PLA2G4F: variants seen among roughly 807,000 people sequenced by gnomAD.
The protein encoded by PLA2G4F is phospholipase A2 group IVF.
In PLA2G4F, 105 loss-of-function variants were observed where a neutral mutation model predicts 103.1. That is an observed-to-expected ratio of 1.02 (90% CI 0.87 to 1.20). PLA2G4F has a LOEUF of 1.20. Ranked by LOEUF, PLA2G4F falls within the 50% of genes most tolerant of loss-of-function variation. The pLI, the probability that PLA2G4F is intolerant of heterozygous loss-of-function variation, is 0.00. For synonymous variants in PLA2G4F, 468 were observed against 441.1 expected (o/e 1.06, Z -0.76); for missense variants, 1,155 against 1,075.9 (o/e 1.07, Z -1.03).
chr15:42,154,278 T>C, intron 3 of PLA2G4F, 44 bp downstream of exon 3: 2 of 1,610,968 alleles, frequency 1.2e-6, no homozygotes, highest in Non-Finnish European at 1.7e-6. Context: ...GGTAGCTGCC[T>C]GAGGAGTTCC....
rs2048849882 is a variant in PLA2G4F, at chr15:42,143,861, A to T, written c.2142+117T>A. The stretch of plus-strand genomic sequence containing the variant: ...GGAACCCAGGCCGTCCACAAAGGGC[A>T]ATCCCCACACACCCAGCCAGTCCCC... On this transcript the variant is annotated intron_variant, in intron 18 of 19. Transcript: ENST00000397272. The T allele has an allele frequency of 3.0e-6, 4 of 1,336,676 alleles. No homozygotes were observed. The South Asian group carries it at 4.3e-5, about 14-fold the overall frequency. The allele number at this position is 1,336,676 out of a possible 1,614,324, so 82.8% of individuals were successfully genotyped here.
At position 42,142,035 on chromosome 15, in the gene PLA2G4F, G is replaced by T. The variant is rs771744557; in HGVS notation, c.2499C>A (p.Ala833=). Residue 833 remains alanine, a synonymous_variant, in exon 20 of 20, where the codon GCC becomes GCA. Transcript: ENST00000397272. ...GGTGCCGGTCCAGAGCCAGCTGGAG[G>T]GCGCACTTCAAGGTCTCCACGTTGT... ...VLNNVETLKC[A]LQLALDRHQA... is the part of the protein sequence containing the mutation. 1 of 1,614,164 alleles carries T rather than the reference G, an allele frequency of 6.2e-7. No individual in the cohort carries two copies. Among genetic ancestry groups the T allele is most frequent in the Non-Finnish European group, 8.5e-7 (1 of 1,180,036 alleles).
intron 2 of PLA2G4F, among the ~76,000 whole-genome samples, chr15:42,154,754 T>C (rs1411853127): frequency 6.6e-6 from 1 of 152,152 alleles, no homozygotes; most frequent in Non-Finnish European, 1.5e-5. Flanking sequence ...CCCCTCCCTG[T>C]GTGGGCACTG....
In PLA2G4F at chr15:42,147,236, G is replaced by T; in HGVS notation, c.1307C>A (p.Thr436Lys). Residue 436 changes from threonine (T) to lysine (K), a missense_variant, in exon 13 of 20, where the codon ACG becomes AAG. By Grantham distance (78) the Thr-to-Lys change is moderately conservative. Transcript: ENST00000397272. ...CTGAGTGTAGTACTGTAGCCGCTCC[G>T]TGGACAAAGCTCCCATCTTACTGCT... Reference protein sequence around the residue: ...VCSSKMGALSTERLQYYTQEL... With the variant: ...VCSSKMGALSKERLQYYTQEL... 1 of 1,612,698 alleles carries T rather than the reference G, an allele frequency of 6.2e-7. No homozygotes were observed. Among genetic ancestry groups the T allele is most frequent in the Non-Finnish European group, 8.5e-7 (1 of 1,179,966 alleles).
chr15:42,154,051 C>T, intron 4 of PLA2G4F, 41 bp downstream of exon 4: 4 of 1,612,794 alleles, frequency 2.5e-6, no homozygotes, highest in Non-Finnish European at 3.4e-6. Context: ...CTGGGCCTCC[C>T]CTCCTCCAGC....
rs1383665614 is a variant in PLA2G4F at position 42,150,656 on chromosome 15, C to T, written c.723G>A (p.Leu241=). The change falls in exon 8 of 20, where the codon CTG becomes CTA. Residue 241 remains leucine, a synonymous_variant. Coordinates refer to ENST00000397272, the MANE Select transcript of PLA2G4F (RefSeq NM_213600.4). ...PTFTFHVNPV[L]SSRLHVELME... is the part of the protein sequence containing the mutation. Reference sequence around the variant, plus strand: ...TCAGCTCCACGTGTAGCCTGGAGCTCAGCACTGGGTTCACGTGGAAGGTAA... The same window carrying T: ...TCAGCTCCACGTGTAGCCTGGAGCTTAGCACTGGGTTCACGTGGAAGGTAA... 1.2e-6 allele frequency: 2 copies of T among 1,613,746 alleles called. No homozygotes were observed. Among genetic ancestry groups the T allele is most frequent in the Non-Finnish European group, 1.7e-6 (2 of 1,179,892 alleles).
At chr15:42,155,310 G>A (rs1012952927) in intron 2 of PLA2G4F, among the ~76,000 whole-genome samples, 6 of 151,262 alleles carry the variant, frequency 4.0e-5, no homozygotes, top group Non-Finnish European at 5.9e-5. Flanking sequence ...TCACACACAC[G>A]TATACACATG....
At chr15:42,151,067 C>A (rs2048956647) in intron 7 of PLA2G4F, 1 of 985,236 alleles carries the variant, frequency 1.0e-6, no homozygotes, top group Non-Finnish European at 1.2e-6. Flanking sequence ...TGCCCAGAGC[C>A]TGTGGGGCTG....
At position 42,151,738 on chromosome 15, in the gene PLA2G4F, A is replaced by G. The variant is rs140672146; in HGVS notation, c.601+950T>C. The G allele has an allele frequency of 1.3e-4, 109 of 856,846 alleles. No individual in the cohort carries two copies. The African/African-American group carries it at 1.9e-3, about 15-fold the overall frequency. 53.1% of individuals were successfully genotyped at this position (856,846 alleles called of 1,614,324 possible). On this transcript the variant is annotated intron_variant, in intron 7 of 19. Coordinates refer to ENST00000397272, the MANE Select transcript of PLA2G4F (RefSeq NM_213600.4). ...GGACTGAGATGGAGACGTGCTATTC[A>G]TAAGAAGAAACCATATAATCCGTGG...
chr15:42,141,773 C>A lies in PLA2G4F; in HGVS notation c.*211G>T. On this transcript the variant is annotated 3_prime_UTR_variant, in exon 20 of 20. Transcript: ENST00000397272. ...CAAGAGTCCCTGGAGCGATCTACTG[C>A]CCATCTTCTCCAAAAACACACAAGG... 2 of 620,198 alleles carry A rather than the reference C, an allele frequency of 3.2e-6. No individual in the cohort carries two copies. The highest frequency in any genetic ancestry group is 2.5e-4 in the Middle Eastern group (1 of 3,944). 38.4% of individuals were successfully genotyped at this position (620,198 alleles called of 1,614,324 possible).
At position 42,139,300 on chromosome 15, in the gene PLA2G4F, C is replaced by G. The variant is rs542128920; in HGVS notation, c.*2684G>C. Reference sequence around the variant, plus strand: ...CTCGTACCTACTCCTTGCCCTCTGCCTCAGGGTTATAGAACAGCTGTCTTT... The same window carrying G: ...CTCGTACCTACTCCTTGCCCTCTGCGTCAGGGTTATAGAACAGCTGTCTTT... On this transcript the variant is annotated 3_prime_UTR_variant, in exon 20 of 20. Coordinates refer to ENST00000397272, the MANE Select transcript of PLA2G4F (RefSeq NM_213600.4). 3 of 154,216 alleles carry G rather than the reference C, an allele frequency of 1.9e-5. No individual in the cohort carries two copies. Among genetic ancestry groups the G allele is most frequent in the Middle Eastern group, 5.5e-4 (1 of 1,812 alleles). 9.6% of individuals were successfully genotyped at this position (154,216 alleles called of 1,614,324 possible).
In PLA2G4F at chr15:42,153,646, C is replaced by T. The variant is rs747586112; in HGVS notation, c.465G>A (p.Leu155=). 3.1e-6 allele frequency: 5 copies of T among 1,614,104 alleles called. No individual in the cohort carries two copies. The highest frequency in any genetic ancestry group is 3.3e-5 in the Admixed American group (2 of 60,010). ...TCTTCTCCAGAACAAATTCCACCTG[C>T]AGCTCTTGTGAATCCTACATGGAGG... ...FPLNHQDSQE[L]QVEFVLEKSQ... The change falls in exon 5 of 20, where the codon CTG becomes CTA. Residue 155 remains leucine (L), a synonymous_variant. Coordinates refer to ENST00000397272, the MANE Select transcript of PLA2G4F (RefSeq NM_213600.4).
chr15:42,151,711 A>G (rs1390827906), intron 7 of PLA2G4F: 1 of 917,256 alleles, frequency 1.1e-6, no homozygotes, highest in Non-Finnish European at 1.3e-6. Context: ...GCCAAGGCCT[A>G]TGGACTGAGA....
intron 11 of PLA2G4F, chr15:42,148,842 T>C: frequency 1.0e-6 from 1 of 985,418 alleles, no homozygotes; most frequent in Middle Eastern, 5.2e-4. Flanking sequence ...GAAAAAATGC[T>C]CCCTGGCCAC....
rs748808087 is a variant in PLA2G4F at position 42,147,191 on chromosome 15, C to T, written c.1352G>A (p.Arg451His). Residue 451 changes from arginine to histidine, a missense_variant, in exon 13 of 20, where the codon CGC becomes CAC. Around this residue, in one of 3 missense-constraint regions of PLA2G4F, gnomAD observed 782 missense variants for 692.9 expected, o/e 1.13. Transcript: ENST00000397272. ...YYTQELGVRE[R>H]SGHSVSLIDL... The stretch of plus-strand genomic sequence containing the variant: ...GATGAGGGACACGCTGTGGCCACTG[C>T]GCTCCCGGACCCCCAGTTCCTGAGT... 3.2e-5 allele frequency: 52 copies of T among 1,612,628 alleles called. No individual in the cohort carries two copies. In the Middle Eastern group the frequency reaches 8.5e-4, roughly 27 times the overall value.
chr15:42,149,901 G>A, intron 10 of PLA2G4F, 53 bp from the exon 11 acceptor site: 3 of 1,592,676 alleles, frequency 1.9e-6, no homozygotes, highest in African/African-American at 2.7e-5. Flanking sequence ...ACTGTCCAGT[G>A]GAGGAGAGCC....
At chr15:42,144,793 A>G in intron 16 of PLA2G4F, 149 bp from the exon 17 acceptor site, 2 of 801,336 alleles carry the variant, frequency 2.5e-6, no homozygotes. Flanking sequence ...CCTCTGACCA[A>G]TGCTTCATTG....
Position 42,147,141 on chromosome 15 carries a change from A to G in PLA2G4F, c.1402T>C (p.Tyr468His), listed in dbSNP as rs762406040. Reference protein sequence around the residue: ...LIDLWGLLVEYLLYQEENPAK... With the variant: ...LIDLWGLLVEHLLYQEENPAK... ...TCTCTCACCTCCTGGTACAGGAGATACTCAACAAGGAGGCCCCAGAGGTCG... is the reference window on the plus strand; with the variant it reads ...TCTCTCACCTCCTGGTACAGGAGATGCTCAACAAGGAGGCCCCAGAGGTCG... The change falls in exon 13 of 20, where the codon TAT (tyrosine) becomes CAT (histidine). Residue 468 changes from tyrosine to histidine, a missense_variant. Transcript: ENST00000397272. 5.0e-6 allele frequency: 8 copies of G among 1,612,440 alleles called. No homozygotes were observed. Among genetic ancestry groups the G allele is most frequent in the South Asian group, 2.2e-5 (2 of 91,052 alleles).
chr15:42,155,455 G>A (rs2049006706), intron 2 of PLA2G4F, 62 bp downstream of exon 2: 1 of 1,550,654 alleles, frequency 6.4e-7, no homozygotes, highest in Non-Finnish European at 8.9e-7. Context: ...GCCAGCCTGA[G>A]CTGAGCTCTG....
Sources: gnomAD v4.1 joint callset for allele counts (sites outside exome capture counted in the v4.1 genomes callset) on GRCh38, gnomAD v4.1.1 for gene constraint, gnomAD v4.1.1 regional missense constraint, MANE v1.5 for transcripts, NCBI Gene and HGNC (gene_info 2026-07-23, HGNC 2026-07-21) for gene names.